PIK3C3: variants seen among roughly 807,000 people sequenced by gnomAD.
PIK3C3 encodes the protein phosphatidylinositol 3-kinase catalytic subunit type 3.
Under a neutral mutation model 126.1 loss-of-function variants are expected in PIK3C3, and 95 were observed. That is an observed-to-expected ratio of 0.75 (90% CI 0.64 to 0.89). The LOEUF is 0.89. PIK3C3 is among the 40% of genes least tolerant of loss of function. PIK3C3 has a pLI of 0.00. For synonymous variants in PIK3C3, 374 were observed against 360.0 expected, an observed-to-expected ratio of 1.04 and a Z score of -0.44; for missense variants, 829 against 1,063.2, an observed-to-expected ratio of 0.78 and a Z score of 3.06.
At chr18:42,038,690 T>C in intron 17 of PIK3C3, 91 bp from the exon 18 acceptor site, 1 of 766,000 alleles carries the variant, frequency 1.3e-6, no homozygotes, top group South Asian at 1.7e-5. Context: ...CCTAAATCTT[T>C]ATTACATTAA....
intron 10 of PIK3C3, among the ~76,000 whole-genome samples, chr18:42,012,987 A>G (rs992016988): frequency 7.2e-5 from 11 of 152,174 alleles, no homozygotes; most frequent in African/African-American, 2.2e-4. Context: ...AGTGCTTTGA[A>G]AACTTGAAAA....
rs568923655 is a variant in PIK3C3 at position 41,966,709 on chromosome 18, GC to G, written c.402-3617del. Among the ~76,000 whole-genome samples, 21 of 152,226 alleles carry G rather than the reference GC, an allele frequency of 1.4e-4. No homozygotes were observed. In the South Asian group the frequency reaches 4.4e-3, roughly 32 times the overall value. On this transcript the variant is annotated intron_variant, in intron 3 of 24. Transcript: ENST00000262039. Reference sequence around the variant, plus strand: ...GAAATTCATTTGATTTGCAAAATATGCATACAATATCTGCAAAAAAGTCCTT... The same window carrying G: ...GAAATTCATTTGATTTGCAAAATATGATACAATATCTGCAAAAAAGTCCTT...
intron 10 of PIK3C3, among the ~76,000 whole-genome samples, chr18:42,012,037 A>G (rs1398254747): frequency 1.3e-5 from 2 of 152,208 alleles, no homozygotes; most frequent in African/African-American, 4.8e-5. Context: ...ACAGATCACC[A>G]TAACAGATAA....
intron 9 of PIK3C3, among the ~76,000 whole-genome samples, chr18:42,003,962 G>T (rs1169126630): frequency 6.6e-6 from 1 of 152,142 alleles, no homozygotes; most frequent in Non-Finnish European, 1.5e-5. Flanking sequence ...CCGGCCCTTC[G>T]CTCAGTGGTT....
Position 42,077,190 on chromosome 18 carries a change from G to A in PIK3C3, c.2650-3933G>A, listed in dbSNP as rs535406759. 4.6e-5 allele frequency among the ~76,000 whole-genome samples: 7 copies of A among 152,308 alleles called. No homozygotes were observed. In the South Asian group the frequency reaches 1.5e-3, roughly 32 times the overall value. ...TAAAAAATGCTTAACAATCATCTGA[G>A]CTTTCAGTGAGTTGTAATCTTTTTG... On this transcript the variant is annotated intron_variant, in intron 24 of 24. Transcript: ENST00000262039.
At chr18:42,018,209 A>G in intron 12 of PIK3C3, among the ~76,000 whole-genome samples, 1 of 151,952 alleles carries the variant, frequency 6.6e-6, no homozygotes, top group South Asian at 2.1e-4. Flanking sequence ...TTTATAAAGC[A>G]CTTTTTTCTT....
intron 15 of PIK3C3, 57 bp from the exon 16 acceptor site, chr18:42,033,768 AT>A: frequency 1.5e-6 from 2 of 1,303,638 alleles, no homozygotes; most frequent in Middle Eastern, 1.9e-4. Context: ...TCTTTACTAT[AT>A]GTTTTATAAA....
chr18:42,036,800 A>G (rs1432084786), intron 16 of PIK3C3, among the ~76,000 whole-genome samples: 2 of 152,104 alleles, frequency 1.3e-5, no homozygotes, highest in Non-Finnish European at 2.9e-5. Flanking sequence ...AAAGCTGCAC[A>G]ACTAGTACAG....
intron 21 of PIK3C3, among the ~76,000 whole-genome samples, chr18:42,056,387 C>T (rs1985065791): frequency 6.6e-6 from 1 of 152,026 alleles, no homozygotes; most frequent in African/African-American, 2.4e-5. Flanking sequence ...TATTGGAATT[C>T]CAGTAATTCC....
chr18:42,056,990 AT>A (rs1406895129), intron 21 of PIK3C3, among the ~76,000 whole-genome samples: 2 of 151,214 alleles, frequency 1.3e-5, no homozygotes, highest in Non-Finnish European at 3.0e-5. Flanking sequence ...ATTAAAGCCC[AT>A]TTTGGGATTC....
intron 10 of PIK3C3, among the ~76,000 whole-genome samples, chr18:42,004,826 T>G (rs1306883577): frequency 6.6e-6 from 1 of 152,186 alleles, no homozygotes; most frequent in East Asian, 1.9e-4. Context: ...TTGCTCTGTC[T>G]GGAAGAAGGA....
chr18:41,964,651 GTCTT>G (rs1174371585), intron 3 of PIK3C3, among the ~76,000 whole-genome samples: 1 of 151,974 alleles, frequency 6.6e-6, no homozygotes, highest in African/African-American at 2.4e-5. Context: ...ATTCTTATTA[GTCTT>G]TCTTTTAAAA....
Position 42,072,451 on chromosome 18 carries a change from A to G in PIK3C3, c.2649+4938A>G, listed in dbSNP as rs568278175. ...ATATTTGTTTCCTAGCAACACCCAC[A>G]TATTAGTGATACAAATTTTCCACTG... On this transcript the variant is annotated intron_variant, in intron 24 of 24. Coordinates refer to ENST00000262039, the MANE Select transcript of PIK3C3 (RefSeq NM_002647.4). Among the ~76,000 whole-genome samples the G allele has an allele frequency of 5.0e-3, 763 of 152,326 alleles. 2 individuals are homozygous for G. The highest frequency in any genetic ancestry group is 7.9e-3 in the Non-Finnish European group (534 of 68,022).
rs1240439548 is a variant in PIK3C3, at chr18:42,083,183, A to G, written c.*2046A>G. 6.6e-6 allele frequency: 1 copy of G among 152,172 alleles called. No homozygotes were observed. Among genetic ancestry groups the G allele is most frequent in the Non-Finnish European group, 1.5e-5 (1 of 68,026 alleles). The allele number at this position is 152,172 out of a possible 1,614,324, so 9.4% of individuals were successfully genotyped here. A position where few individuals can be genotyped will look rare whatever the true frequency, so the allele number is the denominator to read the frequency against. On this transcript the variant is annotated 3_prime_UTR_variant, in exon 25 of 25. Coordinates refer to ENST00000262039, the MANE Select transcript of PIK3C3 (RefSeq NM_002647.4). ...ATCTCAGTTTTTATTGCTCAAAGCAATTCTTTACTCCTATTTTTTCCAAAT... is the reference window on the plus strand; with the variant it reads ...ATCTCAGTTTTTATTGCTCAAAGCAGTTCTTTACTCCTATTTTTTCCAAAT...
At chr18:42,037,592 C>T in intron 16 of PIK3C3, 100 bp from the exon 17 acceptor site, 3 of 1,049,602 alleles carry the variant, frequency 2.9e-6, no homozygotes, top group South Asian at 1.8e-5. Context: ...TCCTATTTAC[C>T]TGTGTATTTA....
intron 7 of PIK3C3, among the ~76,000 whole-genome samples, chr18:41,993,841 T>C (rs1981898890): frequency 6.6e-6 from 1 of 152,134 alleles, no homozygotes; most frequent in South Asian, 2.1e-4. Context: ...GTGGGATACC[T>C]TCTTATTAAC....
At position 42,015,682 on chromosome 18, in the gene PIK3C3, A is replaced by C. The variant is rs181444835; in HGVS notation, c.1416+116A>C. On this transcript the variant is annotated intron_variant, in intron 12 of 24. Transcript: ENST00000262039. ...TAACTAAATATTACAACTTTATTAA[A>C]TAACTTACTTTATGATGCACGTTTA... 9.1e-5 allele frequency: 66 copies of C among 728,310 alleles called. No individual in the cohort carries two copies. The African/African-American group carries it at 1.0e-3, about 11-fold the overall frequency. 45.1% of individuals were successfully genotyped at this position (728,310 alleles called of 1,614,324 possible).
intron 21 of PIK3C3, chr18:42,051,245 A>T (rs578009685): frequency 1.3e-5 from 2 of 152,348 alleles, no homozygotes; most frequent in Admixed American, 1.3e-4. Context: ...TGGACCTTGA[A>T]CACCACCTAG....
chr18:42,039,475 C>T (rs187493877), intron 18 of PIK3C3, among the ~76,000 whole-genome samples: 1 of 152,324 alleles, frequency 6.6e-6, no homozygotes, highest in African/African-American at 2.4e-5. Context: ...TACCTAGCTT[C>T]TAAGTGCTTG....
Sources: gnomAD v4.1 joint callset for allele counts (sites outside exome capture counted in the v4.1 genomes callset) on GRCh38, gnomAD v4.1.1 for gene constraint, MANE v1.5 for transcripts, NCBI Gene and HGNC (gene_info 2026-07-23, HGNC 2026-07-21) for gene names.